Variants in MYL6 observed in about 807,000 individuals in gnomAD.
The protein encoded by MYL6 is myosin light chain 6.
Under a neutral mutation model 20.3 loss-of-function variants are expected in MYL6, and 20 were observed. The ratio of observed to expected loss-of-function variants is 0.98; its 90% CI spans 0.69 to 1.43. MYL6 has a LOEUF of 1.43. MYL6 is among the 40% of genes most tolerant of loss of function. MYL6 has a pLI of 0.00. For missense variants in MYL6, 164 were observed against 191.0 expected (o/e 0.86, Z 0.83); for synonymous variants, 77 against 72.4 (o/e 1.06, Z -0.32).
intron 2 of MYL6, 111 bp from the exon 3 acceptor site, chr12:56,159,476 T>C: frequency 1.4e-6 from 2 of 1,403,936 alleles, no homozygotes; most frequent in Non-Finnish European, 2.0e-6. Context: ...TACAGTTTGG[T>C]GCAGATATCT....
chr12:56,160,772 C>T (rs970803237), intron 6 of MYL6, 102 bp downstream of exon 6: 1 of 1,310,978 alleles, frequency 7.6e-7, no homozygotes, highest in African/African-American at 1.5e-5. Context: ...TACCATCTGA[C>T]TTCCTCCTGG....
chr12:56,158,811 C>T lies in MYL6; in HGVS notation c.31+100C>T, dbSNP rs1871504629. ...TCTTAATCTGTCATCTCTTTAGCAC[C>T]CCCATGAGATTACCCCCTGGATTAT... is the stretch of plus-strand genomic sequence containing the variant. On this transcript the variant is annotated intron_variant, in intron 2 of 6. Coordinates refer to ENST00000550697, the MANE Select transcript of MYL6 (RefSeq NM_021019.5). The T allele has an allele frequency of 3.2e-6, 5 of 1,563,536 alleles. No individual in the cohort carries two copies. In the South Asian group the frequency reaches 5.8e-5, roughly 18 times the overall value.
At chr12:56,161,115 A>T in intron 6 of MYL6, 1 of 592,422 alleles carries the variant, frequency 1.7e-6, no homozygotes, top group Non-Finnish European at 3.0e-6. Flanking sequence ...CCAGTGGCTG[A>T]CAGTAGCTGT....
rs1345619023 is a variant in MYL6, at chr12:56,159,451, A to C, written c.32-136A>C. The C allele has an allele frequency of 3.4e-6, 4 of 1,186,156 alleles. No homozygotes were observed. The African/African-American group carries it at 6.1e-5, about 18-fold the overall frequency. 73.5% of individuals were successfully genotyped at this position (1,186,156 alleles called of 1,614,324 possible). A position where few individuals can be genotyped will look rare whatever the true frequency, so the allele number is the denominator to read the frequency against. On this transcript the variant is annotated intron_variant, in intron 2 of 6. Coordinates refer to ENST00000550697, the MANE Select transcript of MYL6 (RefSeq NM_021019.5). ...GGAGGAAGAGAAATAGAGCCCTCTT[A>C]AGTAGACTTTGGTGTACAGTTTGGT...
intron 2 of MYL6, chr12:56,159,316 A>AGT (rs752878847): frequency 7.0e-6 from 3 of 426,356 alleles, no homozygotes; most frequent in Non-Finnish European, 1.3e-5. Context: ...TGAGAAGTGT[A>AGT]GTAGCAGCAG....
Position 56,161,568 on chromosome 12 carries a change from C to G in MYL6, c.*198C>G. 12 of 921,692 alleles carry G rather than the reference C, an allele frequency of 1.3e-5. No homozygotes were observed. Among genetic ancestry groups the G allele is most frequent in the Non-Finnish European group, 2.1e-5 (12 of 570,640 alleles). The allele number at this position is 921,692 out of a possible 1,614,324, so 57.1% of individuals were successfully genotyped here. On this transcript the variant is annotated 3_prime_UTR_variant, in exon 7 of 7. Transcript: ENST00000550697. ...TCAGCATTCACCAAATAAACTTGCT[C>G]TCTGGGCCCTCGGTTCGGTTCTTTC...
At chr12:56,158,519 G>A in intron 1 of MYL6, 115 bp downstream of exon 1, 4 of 1,605,760 alleles carry the variant, frequency 2.5e-6, no homozygotes, top group Non-Finnish European at 3.4e-6. Context: ...GGACCCGAAA[G>A]GTTGGAGGTG....
chr12:56,158,446 G>T, intron 1 of MYL6, 42 bp downstream of exon 1: 1 of 1,548,834 alleles, frequency 6.5e-7, no homozygotes, highest in Non-Finnish European at 8.7e-7. Flanking sequence ...TTGGGGACGA[G>T]AGGCAGGAAG....
At chr12:56,158,429 G>A (rs763483307) in intron 1 of MYL6, 25 bp downstream of exon 1, 44 of 1,539,452 alleles carry the variant, frequency 2.9e-5, no homozygotes, top group South Asian at 1.6e-4. Context: ...TTGGGAGACG[G>A]GCAGGATTGG....
rs914947251 is a variant in MYL6, at chr12:56,160,511, G to C, written c.428-115G>C. The C allele has an allele frequency of 3.4e-5, 48 of 1,419,674 alleles. No homozygotes were observed. The Admixed American group carries it at 7.9e-4, about 23-fold the overall frequency. 87.9% of individuals were successfully genotyped at this position (1,419,674 alleles called of 1,614,324 possible). A position where few individuals can be genotyped will look rare whatever the true frequency, so the allele number is the denominator to read the frequency against. On this transcript the variant is annotated intron_variant, in intron 5 of 6. Transcript: ENST00000550697. ...AACAGGAAAGGAAGGGGGTAGTATTGTAGAGGGTGGGAAGGAATGAGAAGT... is the reference window on the plus strand; with the variant it reads ...AACAGGAAAGGAAGGGGGTAGTATTCTAGAGGGTGGGAAGGAATGAGAAGT...
intron 1 of MYL6, 32 bp from the exon 2 acceptor site, chr12:56,158,652 A>G (rs1213690694): frequency 6.2e-7 from 1 of 1,614,122 alleles, no homozygotes; most frequent in Non-Finnish European, 8.5e-7. Context: ...ATTGGCGTTC[A>G]GATGCTGACC....
At chr12:56,158,790 A>C (rs1025151844) in intron 2 of MYL6, 79 bp downstream of exon 2, 19 of 1,596,362 alleles carry the variant, frequency 1.2e-5, no homozygotes, top group Middle Eastern at 1.7e-4. Flanking sequence ...CTCTAATCTT[A>C]ATCTGTCATC....
Position 56,160,662 on chromosome 12 carries a change from A to G in MYL6, c.*8A>G, listed in dbSNP as rs777525486. ...CATATCCTGTCGGGGTGACGGGCCC[A>G]TGGGGCGGGTACGGCTCCTCCCAGC... On this transcript the variant is annotated 3_prime_UTR_variant, in exon 6 of 7. Transcript: ENST00000550697. The G allele has an allele frequency of 1.2e-6, 2 of 1,614,056 alleles. No homozygotes were observed. The highest frequency in any genetic ancestry group is 1.7e-5 in the Admixed American group (1 of 60,010).
At position 56,159,668 on chromosome 12, in the gene MYL6, C is replaced by A; in HGVS notation, c.113C>A (p.Ala38Asp). Residue 38 changes from alanine to aspartate, a missense_variant, in exon 3 of 7, where the codon GCC (alanine) becomes GAC (aspartate). Ala to Asp is a moderately radical substitution (Grantham distance 126). Transcript: ENST00000550697. ...LYSQCGDVMR[A>D]LGQNPTNAEV... is the part of the protein sequence containing the mutation. ...AGCCAGTGTGGGGATGTGATGAGGG[C>A]CCTGGGCCAGAACCCTACCAACGCC... The A allele has an allele frequency of 6.2e-7, 1 of 1,614,120 alleles. No individual in the cohort carries two copies. The highest frequency in any genetic ancestry group is 8.5e-7 in the Non-Finnish European group (1 of 1,180,028).
In MYL6 at chr12:56,160,244, T is replaced by G; in HGVS notation, c.351T>G (p.Gly117=). 6.2e-7 allele frequency: 1 copy of G among 1,613,902 alleles called. No homozygotes were observed. The highest frequency in any genetic ancestry group is 8.5e-7 in the Non-Finnish European group (1 of 1,179,988). ...AEIRHVLVTL[G]EKMTEEEVEM... ...AAAATGCTTTCTTTCCCCCTGCAGG[T>G]GAGAAGATGACAGAGGAAGAAGTAG... is the stretch of plus-strand genomic sequence containing the variant. The change falls in exon 5 of 7, where the codon GGT becomes GGG. Residue 117 remains glycine (G), a splice_region_variant and synonymous_variant. Coordinates refer to ENST00000550697, the MANE Select transcript of MYL6 (RefSeq NM_021019.5).
In MYL6 at chr12:56,160,608, G is replaced by A. The variant is rs754905657; in HGVS notation, c.428-18G>A. ...TCTTTGTCTTGTCTTCACCATGAAT[G>A]TCTCTTCCTTCCTGCAGCGTTTGTG... is the stretch of plus-strand genomic sequence containing the variant. On this transcript the variant is annotated intron_variant, in intron 5 of 6. Coordinates refer to ENST00000550697, the MANE Select transcript of MYL6 (RefSeq NM_021019.5). The A allele has an allele frequency of 1.4e-5, 23 of 1,614,084 alleles. No homozygotes were observed. In the South Asian group the frequency reaches 2.3e-4, roughly 16 times the overall value.
chr12:56,160,574 C>T, intron 5 of MYL6, 52 bp from the exon 6 acceptor site: 1 of 1,598,164 alleles, frequency 6.3e-7, no homozygotes, highest in Non-Finnish European at 8.6e-7. Context: ...CCTGACCCCT[C>T]ACCCCATGTC....
rs758583010 is a variant in MYL6, at chr12:56,159,995, G to T, written c.196G>T (p.Asp66Tyr). ...KSDEMNVKVL[D>Y]FEHFLPMLQT... ...GGCAGAGATGAATGTGAAGGTGCTG[G>T]ACTTTGAGCACTTTCTGCCCATGCT... The change falls in exon 4 of 7, where the codon GAC becomes TAC. Residue 66 changes from aspartate to tyrosine, a missense_variant. Coordinates refer to ENST00000550697, the MANE Select transcript of MYL6 (RefSeq NM_021019.5). 6.2e-7 allele frequency: 1 copy of T among 1,613,322 alleles called. No homozygotes were observed. The highest frequency in any genetic ancestry group is 1.3e-5 in the African/African-American group (1 of 74,884).
intron 5 of MYL6, 141 bp downstream of exon 5, chr12:56,160,461 C>A: frequency 6.9e-7 from 1 of 1,439,226 alleles, no homozygotes; most frequent in Non-Finnish European, 9.8e-7. Context: ...CAGCCCAGCC[C>A]AGGAGTGGGA....
Sources: gnomAD v4.1 joint callset for allele counts on GRCh38, gnomAD v4.1.1 for gene constraint, MANE v1.5 for transcripts, NCBI Gene and HGNC (gene_info 2026-07-23, HGNC 2026-07-21) for gene names.